The following TNNI3K variants were observed in gnomAD, a reference collection of about 807,000 sequenced individuals.
TNNI3K encodes the protein TNNI3 interacting kinase.
Under a neutral mutation model 114.5 loss-of-function variants are expected in TNNI3K, and 140 were observed. The observed-to-expected ratio is 1.22, with a 90% CI of 1.07 to 1.41. The LOEUF (loss-of-function observed/expected upper bound fraction) is 1.41, where lower values mean the gene tolerates loss of function less well. Ranked by LOEUF, TNNI3K falls within the 40% of genes most tolerant of loss-of-function variation. The pLI is 0.00. For missense variants in TNNI3K, 1,125 were observed against 1,007.6 expected (o/e 1.12, Z -1.58); for synonymous variants, 347 against 347.5 (o/e 1.00, Z 0.02).
intron 5 of TNNI3K, among the ~76,000 whole-genome samples, chr1:74,277,257 A>G (rs1043568220): frequency 2.6e-5 from 4 of 152,096 alleles, no homozygotes; most frequent in Admixed American, 2.0e-4. Context: ...TGACATCTAC[A>G]TGGGCATTCA....
In TNNI3K at chr1:74,332,975, A is replaced by AG. The variant is rs1169299016; in HGVS notation, c.543+1427_543+1428insG. On this transcript the variant is annotated intron_variant, in intron 6 of 24. Coordinates refer to ENST00000326637, the MANE Select transcript of TNNI3K (RefSeq NM_015978.3). ...AAATAACAAAAAAAAAAAAAAAAAA[A>AG]AAGAGAGAGACAGAGAGAAATACAA... Among the ~76,000 whole-genome samples, 514 of 73,864 alleles carry AG rather than the reference A, an allele frequency of 7.0e-3. 1 individual carries two copies. Among genetic ancestry groups the AG allele is most frequent in the African/African-American group, 0.024 (477 of 20,052 alleles). 48.5% of individuals were successfully genotyped at this position (73,864 alleles called of 152,430 possible). A position where few individuals can be genotyped will look rare whatever the true frequency, so the allele number is the denominator to read the frequency against.
intron 5 of TNNI3K, among the ~76,000 whole-genome samples, chr1:74,274,346 G>A (rs923351272): frequency 3.3e-5 from 5 of 151,926 alleles, no homozygotes; most frequent in African/African-American, 9.7e-5. Context: ...AGAGATGAAA[G>A]AAAATCCATG....
chr1:74,353,120 A>G, intron 9 of TNNI3K, 146 bp from the exon 10 acceptor site: 1 of 845,364 alleles, frequency 1.2e-6, no homozygotes, highest in Admixed American at 2.9e-5. Context: ...ACCTCTTTAA[A>G]GATACAATCC....
chr1:74,328,771 C>G (rs1322888987), intron 5 of TNNI3K, among the ~76,000 whole-genome samples: 1 of 152,050 alleles, frequency 6.6e-6, no homozygotes, highest in East Asian at 1.9e-4. Context: ...AGCCTAAGAA[C>G]TCTTATCTTT....
At chr1:74,517,584 G>A (rs967012585) in intron 23 of TNNI3K, among the ~76,000 whole-genome samples, 1 of 152,126 alleles carries the variant, frequency 6.6e-6, no homozygotes, top group Admixed American at 6.5e-5. Flanking sequence ...CCACATGTGG[G>A]GGCTGTGTGC....
intron 23 of TNNI3K, among the ~76,000 whole-genome samples, chr1:74,493,599 T>C (rs983697104): frequency 6.6e-6 from 1 of 152,220 alleles, no homozygotes; most frequent in East Asian, 1.9e-4. Context: ...AATTCAGGGA[T>C]ATACAATCAT....
rs946084864 is a variant in TNNI3K at position 74,469,441 on chromosome 1, T to G, written c.2121+5891T>G. On this transcript the variant is annotated intron_variant, in intron 21 of 24. Coordinates refer to ENST00000326637, the MANE Select transcript of TNNI3K (RefSeq NM_015978.3). ...TAGGAAAACAGATCAAACACAAATA[T>G]GAATATATAATTATCCATGTAGAAA... 5 of 153,120 alleles carry G rather than the reference T, an allele frequency of 3.3e-5. No homozygotes were observed. The South Asian group carries it at 1.0e-3, about 32-fold the overall frequency. The allele number at this position is 153,120 out of a possible 1,614,324, so 9.5% of individuals were successfully genotyped here.
intron 20 of TNNI3K, among the ~76,000 whole-genome samples, chr1:74,461,315 T>TA (rs1330495115): frequency 6.6e-6 from 1 of 151,912 alleles, no homozygotes. Context: ...CCATCTCTAC[T>TA]AAAAATACAA....
intron 23 of TNNI3K, among the ~76,000 whole-genome samples, chr1:74,532,720 T>C (rs989804454): frequency 6.0e-5 from 9 of 150,194 alleles, no homozygotes; most frequent in African/African-American, 2.2e-4. Context: ...AACAGAGATA[T>C]AGATCAATGG....
In TNNI3K at chr1:74,539,149, A is replaced by T. The variant is rs1202928472; in HGVS notation, c.2352-1085A>T. On this transcript the variant is annotated intron_variant, in intron 23 of 24. Coordinates refer to ENST00000326637, the MANE Select transcript of TNNI3K (RefSeq NM_015978.3). ...TCGTCTAGGCCTTGAGGCTGGAGAG[A>T]GATGGATAGTTTAGGATTATATTTT... Among the ~76,000 whole-genome samples the T allele has an allele frequency of 1.2e-4, 18 of 152,126 alleles. 1 individual carries two copies. The highest frequency in any genetic ancestry group is 5.9e-5 in the Non-Finnish European group (4 of 68,018).
rs1316729293 is a variant in TNNI3K, at chr1:74,281,757, A to G, written c.444+10049A>G. ...TATATAAAACATATTAAAAATCAAGAAACATTGGTTCTTGATATTTAAGTT... is the reference window on the plus strand; with the variant it reads ...TATATAAAACATATTAAAAATCAAGGAACATTGGTTCTTGATATTTAAGTT... On this transcript the variant is annotated intron_variant, in intron 5 of 24. Transcript: ENST00000326637. Among the ~76,000 whole-genome samples the G allele has an allele frequency of 2.4e-4, 37 of 152,076 alleles. 1 individual carries two copies. Among genetic ancestry groups the G allele is most frequent in the Admixed American group, 2.4e-3 (36 of 15,262 alleles).
chr1:74,508,676 T>A (rs1169050743), intron 23 of TNNI3K, among the ~76,000 whole-genome samples: 1 of 152,068 alleles, frequency 6.6e-6, no homozygotes, highest in Non-Finnish European at 1.5e-5. Flanking sequence ...AAGCTATAGG[T>A]CAGAGCCCAA....
intron 23 of TNNI3K, among the ~76,000 whole-genome samples, chr1:74,513,082 C>T (rs1005593173): frequency 5.3e-5 from 8 of 152,198 alleles, no homozygotes; most frequent in African/African-American, 1.7e-4. Flanking sequence ...TCAAGGGATT[C>T]TGTTGTTAGA....
At chr1:74,372,764 T>G (rs1662681883) in intron 17 of TNNI3K, 1 of 151,854 alleles carries the variant, frequency 6.6e-6, no homozygotes, top group African/African-American at 2.4e-5. Flanking sequence ...GGCCATTATA[T>G]ATTCTGTTGC....
chr1:74,288,589 G>A (rs1657471452), intron 5 of TNNI3K, among the ~76,000 whole-genome samples: 1 of 152,084 alleles, frequency 6.6e-6, no homozygotes, highest in Non-Finnish European at 1.5e-5. Flanking sequence ...GAAGCAGAGA[G>A]TAGAATGGTG....
chr1:74,384,791 T>C (rs977905392), intron 17 of TNNI3K, among the ~76,000 whole-genome samples: 4 of 152,168 alleles, frequency 2.6e-5, no homozygotes, highest in African/African-American at 9.7e-5. Context: ...TATGTCTAAA[T>C]TAATCATTTC....
chr1:74,305,221 G>T (rs1316646528), intron 5 of TNNI3K, among the ~76,000 whole-genome samples: 1 of 152,116 alleles, frequency 6.6e-6, no homozygotes, highest in Non-Finnish European at 1.5e-5. Flanking sequence ...TGATTATCAG[G>T]CAGGCTGCAA....
chr1:74,248,986 T>C (rs1654760379), intron 2 of TNNI3K, among the ~76,000 whole-genome samples: 1 of 152,186 alleles, frequency 6.6e-6, no homozygotes, highest in African/African-American at 2.4e-5. Flanking sequence ...TTGGCCCCTA[T>C]AATTTCATGC....
chr1:74,463,080 T>C (rs1405745608), intron 20 of TNNI3K, among the ~76,000 whole-genome samples: 1 of 152,220 alleles, frequency 6.6e-6, no homozygotes, highest in African/African-American at 2.4e-5. Flanking sequence ...TAGCCTGGGA[T>C]TTATGGCATT....
Sources: allele counts gnomAD v4.1 joint callset (sites outside exome capture counted in the v4.1 genomes callset), GRCh38; gene constraint gnomAD v4.1.1; transcripts MANE v1.5; gene names NCBI Gene and HGNC (gene_info 2026-07-23, HGNC 2026-07-21).